The following ZNF638 variants were observed in gnomAD, a reference collection of about 807,000 sequenced individuals.
The protein encoded by ZNF638 is zinc finger protein 638, also known as CTCL tumor antigen se33-1.
A neutral mutation model predicts 195.6 loss-of-function variants in ZNF638; 46 were observed. That is an observed-to-expected ratio of 0.24 (90% CI 0.19 to 0.30). The LOEUF is 0.30. ZNF638 is among the 10% of genes least tolerant of loss of function. The pLI, the probability that ZNF638 is intolerant of heterozygous loss-of-function variation, is 1.00. For missense variants in ZNF638, 2,440 were observed against 2,325.3 expected (o/e 1.05, Z -1.01); for synonymous variants, 845 against 772.0 (o/e 1.09, Z -1.57).
At position 71,358,858 on chromosome 2, in the gene ZNF638, T is replaced by A. The variant is rs528547967; in HGVS notation, c.1379+3078T>A. 1.9e-4 allele frequency among the ~76,000 whole-genome samples: 29 copies of A among 152,332 alleles called. 1 individual carries two copies. The South Asian group carries it at 3.3e-3, about 17-fold the overall frequency. ...TGAGTCACACTCATAGTATTTCAAA[T>A]TTTTGCATTATTACTATACCTGTTA... On this transcript the variant is annotated intron_variant, in intron 3 of 27. Coordinates refer to ENST00000264447, the MANE Select transcript of ZNF638 (RefSeq NM_014497.5).
At position 71,399,565 on chromosome 2, in the gene ZNF638, C is replaced by G. The variant is rs768281261; in HGVS notation, c.2507C>G (p.Ser836Cys). The G allele has an allele frequency of 6.2e-7, 1 of 1,610,878 alleles. No individual in the cohort carries two copies. The highest frequency in any genetic ancestry group is 1.1e-5 in the South Asian group (1 of 90,732). The change falls in exon 13 of 28, where the codon TCT (serine) becomes TGT (cysteine). Residue 836 changes from serine (S) to cysteine (C), a missense_variant. Coordinates refer to ENST00000264447, the MANE Select transcript of ZNF638 (RefSeq NM_014497.5). Reference protein sequence around the residue: ...GNKASIKTAKSGGKKSLEAKK... With the variant: ...GNKASIKTAKCGGKKSLEAKK... ...CTGACTGTACTTTTACAAGCAAAAT[C>G]TGGTGGAAAGAAGTCTCTAGAAGCC...
At chr2:71,405,206 A>G (rs556121698) in intron 17 of ZNF638, among the ~76,000 whole-genome samples, 8 of 152,300 alleles carry the variant, frequency 5.3e-5, no homozygotes, top group African/African-American at 9.6e-5. Flanking sequence ...ATCTGCATTT[A>G]TGCTCTGTGC....
intron 1 of ZNF638, among the ~76,000 whole-genome samples, chr2:71,336,214 A>T (rs1371051820): frequency 6.6e-6 from 1 of 152,128 alleles, no homozygotes; most frequent in African/African-American, 2.4e-5. Flanking sequence ...TCTACTAAAA[A>T]TACAAAATTA....
chr2:71,357,165 C>T (rs1357787021), intron 3 of ZNF638, among the ~76,000 whole-genome samples: 1 of 152,124 alleles, frequency 6.6e-6, no homozygotes, highest in East Asian at 1.9e-4. Flanking sequence ...GCACTTCTTT[C>T]TCCATAACTC....
rs115761315 is a variant in ZNF638, at chr2:71,404,125, C to T, written c.2958+127C>T. 1,077 of 911,806 alleles carry T rather than the reference C, an allele frequency of 1.2e-3. 9 individuals carry two copies. In the African/African-American group the frequency reaches 0.017, roughly 14 times the overall value. The allele number at this position is 911,806 out of a possible 1,614,324, so 56.5% of individuals were successfully genotyped here. Reference sequence around the variant, plus strand: ...CTCACAGACACTGAGAAAGCTTCTTCCTGTCCCTCCAACAATCACCCAGTC... The same window carrying T: ...CTCACAGACACTGAGAAAGCTTCTTTCTGTCCCTCCAACAATCACCCAGTC... On this transcript the variant is annotated intron_variant, in intron 17 of 27. Transcript: ENST00000264447.
chr2:71,396,092 G>A (rs762019842), intron 10 of ZNF638, 49 bp from the exon 11 acceptor site: 8 of 1,537,634 alleles, frequency 5.2e-6, no homozygotes, highest in South Asian at 1.1e-5. Context: ...CTAAATCCAA[G>A]TGATGTTATT....
intron 4 of ZNF638, 106 bp downstream of exon 4, chr2:71,363,297 C>G: frequency 1.2e-6 from 1 of 862,496 alleles, no homozygotes; most frequent in Non-Finnish European, 1.8e-6. Context: ...GCCATTTAAA[C>G]AACAGGCAAA....
rs773606063 is a variant in ZNF638, at chr2:71,428,627, G to C, written c.5626G>C (p.Glu1876Gln). ...KAVVTEPAKG[E>Q]EAFQMSEVDE... ...TGTTGTGACAGAACCAGCAAAAGGT[G>C]AAGAGGCCTTCCAGATGAGTGAAGG... is the stretch of plus-strand genomic sequence containing the variant. Residue 1876 changes from glutamate (E) to glutamine (Q), a missense_variant, in exon 25 of 28, where the codon GAA becomes CAA. By Grantham distance (29) the Glu-to-Gln change is conservative. Around this residue, in one of 5 missense-constraint regions of ZNF638, gnomAD observed 1,883 missense variants for 1,739.1 expected, o/e 1.08. Transcript: ENST00000264447. The C allele has an allele frequency of 5.6e-6, 9 of 1,614,028 alleles. No individual in the cohort carries two copies. In the South Asian group the frequency reaches 9.9e-5, roughly 18 times the overall value.
intron 20 of ZNF638, among the ~76,000 whole-genome samples, chr2:71,409,421 G>C (rs1305943427): frequency 6.6e-6 from 1 of 152,046 alleles, no homozygotes; most frequent in Non-Finnish European, 1.5e-5. Flanking sequence ...AAAGCATGTA[G>C]CACTCCATTC....
chr2:71,347,014 T>C (rs1298327865), intron 1 of ZNF638, among the ~76,000 whole-genome samples: 1 of 150,646 alleles, frequency 6.6e-6, no homozygotes, highest in Admixed American at 6.6e-5. Context: ...ACAAAGTGCA[T>C]CCCTGTCTTT....
rs370995673 is a variant in ZNF638, at chr2:71,362,755, A to G, written c.1380-398A>G. ...CAGTGGACATATCTTTATGAGGACTACTTGGGGCAAGTTAAGGGGCACCAT... is the reference window on the plus strand; with the variant it reads ...CAGTGGACATATCTTTATGAGGACTGCTTGGGGCAAGTTAAGGGGCACCAT... On this transcript the variant is annotated intron_variant, in intron 3 of 27. Transcript: ENST00000264447. Among the ~76,000 whole-genome samples, 6 of 152,166 alleles carry G rather than the reference A, an allele frequency of 3.9e-5. No homozygotes were observed. The South Asian group carries it at 8.3e-4, about 21-fold the overall frequency.
rs192603395 is a variant in ZNF638 at position 71,399,551 on chromosome 2, T to C, written c.2501-8T>C. On this transcript the variant is annotated splice_region_variant and splice_polypyrimidine_tract_variant and intron_variant, in intron 12 of 27. Transcript: ENST00000264447. ...CTTTAGAATAATGGCTGACTGTACTTTTACAAGCAAAATCTGGTGGAAAGA... is the reference window on the plus strand; with the variant it reads ...CTTTAGAATAATGGCTGACTGTACTCTTACAAGCAAAATCTGGTGGAAAGA... The C allele has an allele frequency of 7.2e-4, 1,117 of 1,556,720 alleles. 16 individuals are homozygous for C. In the East Asian group the frequency reaches 0.022, roughly 30 times the overall value.
chr2:71,340,892 A>AT (rs1388324437), intron 1 of ZNF638, among the ~76,000 whole-genome samples: 1 of 152,218 alleles, frequency 6.6e-6, no homozygotes, highest in African/African-American at 2.4e-5. Context: ...ACGAGATAAT[A>AT]TTTAAAGTGC....
intron 3 of ZNF638, among the ~76,000 whole-genome samples, chr2:71,362,631 C>T (rs970449952): frequency 6.6e-6 from 1 of 152,182 alleles, no homozygotes; most frequent in Admixed American, 6.5e-5. Flanking sequence ...TTACATATTG[C>T]CACTGCATGA....
chr2:71,421,900 T>G (rs973342399), intron 21 of ZNF638, among the ~76,000 whole-genome samples: 9 of 152,208 alleles, frequency 5.9e-5, no homozygotes, highest in African/African-American at 1.9e-4. Context: ...TAAAAATAAC[T>G]TATTCTGTGT....
rs1222410645 is a variant in ZNF638, at chr2:71,403,853, A to C, written c.2830-17A>C. ...AACATAAGATTTTTCTTGTTACCTT[A>C]ATTTCTGTTTTAAAAGGCATATATA... On this transcript the variant is annotated splice_polypyrimidine_tract_variant and intron_variant, in intron 16 of 27. Transcript: ENST00000264447. The C allele has an allele frequency of 6.7e-7, 1 of 1,496,094 alleles. No homozygotes were observed. Among genetic ancestry groups the C allele is most frequent in the East Asian group, 2.3e-5 (1 of 42,694 alleles). 92.7% of individuals were successfully genotyped at this position (1,496,094 alleles called of 1,614,324 possible).
chr2:71,409,241 A>G (rs943194168), intron 20 of ZNF638, among the ~76,000 whole-genome samples: 2 of 152,206 alleles, frequency 1.3e-5, no homozygotes, highest in Non-Finnish European at 2.9e-5. Flanking sequence ...GTTGGATAAC[A>G]CATATGGCTT....
At chr2:71,396,282 G>T in intron 11 of ZNF638, 91 bp downstream of exon 11, 2 of 1,030,962 alleles carry the variant, frequency 1.9e-6, no homozygotes, top group Non-Finnish European at 2.9e-6. Flanking sequence ...GATTTCACAT[G>T]ACATAGTCTG....
At chr2:71,402,373 T>C (rs1365283047) in intron 16 of ZNF638, among the ~76,000 whole-genome samples, 1 of 152,142 alleles carries the variant, frequency 6.6e-6, no homozygotes, top group Non-Finnish European at 1.5e-5. Context: ...TTAATAAATA[T>C]ATCTTTTACT....
Sources: allele counts gnomAD v4.1 joint callset (sites outside exome capture counted in the v4.1 genomes callset), GRCh38; gene constraint gnomAD v4.1.1; regional missense constraint gnomAD v4.1.1; transcripts MANE v1.5; gene names NCBI Gene and HGNC (gene_info 2026-07-23, HGNC 2026-07-21).